Variants in ASXL3 observed in about 807,000 individuals in gnomAD.
The protein encoded by ASXL3 is ASXL transcriptional regulator 3, also known as putative Polycomb group protein ASXL3.
A neutral mutation model predicts 170.6 loss-of-function variants in ASXL3; 34 were observed. That is an observed-to-expected ratio of 0.20 (90% CI 0.15 to 0.27). ASXL3 has a LOEUF of 0.27. Among genes scored for constraint, ASXL3 ranks in the 10% least tolerant of loss-of-function variants. ASXL3 has a pLI of 1.00. For synonymous variants in ASXL3, 1,002 were observed against 989.1 expected (o/e 1.01, Z -0.24); for missense variants, 2,592 against 2,695.3 (o/e 0.96, Z 0.85).
intron 2 of ASXL3, among the ~76,000 whole-genome samples, chr18:33,644,169 G>C (rs2065884589): frequency 6.6e-6 from 1 of 151,812 alleles, no homozygotes. Flanking sequence ...GTTTAATGCT[G>C]TTTGATTTCT....
At position 33,699,821 on chromosome 18, in the gene ASXL3, G is replaced by A. The variant is rs1471703450; in HGVS notation, c.879+16253G>A. On this transcript the variant is annotated intron_variant, in intron 8 of 11. Coordinates refer to ENST00000269197, the MANE Select transcript of ASXL3 (RefSeq NM_030632.3). ...ATTTCATAATATAGTTGTGTTTTGT[G>A]TATGTGAAAGCTATTTTTTTCTTAG... Among the ~76,000 whole-genome samples the A allele has an allele frequency of 2.6e-5, 4 of 152,034 alleles. No homozygotes were observed. The South Asian group carries it at 6.2e-4, about 24-fold the overall frequency.
chr18:33,707,148 A>G (rs1355308686), intron 8 of ASXL3, among the ~76,000 whole-genome samples: 1 of 151,898 alleles, frequency 6.6e-6, no homozygotes, highest in African/African-American at 2.4e-5. Context: ...GATTATTCGT[A>G]GCTTGATATC....
rs554333173 is a variant in ASXL3 at position 33,741,090 on chromosome 18, A to G, written c.3039+647A>G. ...TGGTTGTACTTACTCTTTTTAATAAAGCAGTCTCTAGTAAGCAAGATTCTA... is the reference window on the plus strand; with the variant it reads ...TGGTTGTACTTACTCTTTTTAATAAGGCAGTCTCTAGTAAGCAAGATTCTA... On this transcript the variant is annotated intron_variant, in intron 11 of 11. Transcript: ENST00000269197. 3.3e-3 allele frequency among the ~76,000 whole-genome samples: 510 copies of G among 152,318 alleles called. 4 individuals are homozygous for G. Among genetic ancestry groups the G allele is most frequent in the South Asian group, 0.011 (52 of 4,828 alleles).
At chr18:33,649,402 A>G (rs572638482) in intron 4 of ASXL3, among the ~76,000 whole-genome samples, 1 of 152,222 alleles carries the variant, frequency 6.6e-6, no homozygotes, top group South Asian at 2.1e-4. Context: ...TCTCAGCAAA[A>G]TAGAAAAGTA....
At chr18:33,723,746 C>T (rs2145377844) in intron 8 of ASXL3, among the ~76,000 whole-genome samples, 1 of 152,250 alleles carries the variant, frequency 6.6e-6, no homozygotes, top group Middle Eastern at 3.4e-3. Flanking sequence ...CAAACAGCAT[C>T]ACATGCTACA....
intron 1 of ASXL3, among the ~76,000 whole-genome samples, chr18:33,585,058 A>G (rs553827597): frequency 2.0e-4 from 30 of 151,938 alleles, no homozygotes; most frequent in African/African-American, 7.2e-4. Flanking sequence ...TGCCTTTTGG[A>G]TTGCCTACAT....
In ASXL3 at chr18:33,746,163, G is replaced by C. The variant is rs2067787206; in HGVS notation, c.6315G>C (p.Gln2105His). ...ELGMKQVSYD[Q>H]NEMKEQLKAF... is the part of the protein sequence containing the mutation. ...GCATGAAACAAGTTTCCTATGACCA[G>C]AATGAAATGAAAGAACAGTTAAAAG... Residue 2105 changes from glutamine (Q) to histidine (H), a missense_variant, in exon 12 of 12, where the codon CAG (glutamine) becomes CAC (histidine). By Grantham distance (24) the Gln-to-His change is conservative. Transcript: ENST00000269197. 2 of 1,613,682 alleles carry C rather than the reference G, an allele frequency of 1.2e-6. No individual in the cohort carries two copies. Among genetic ancestry groups the C allele is most frequent in the African/African-American group, 2.7e-5 (2 of 74,844 alleles).
At chr18:33,631,986 C>A (rs1244454376) in intron 2 of ASXL3, among the ~76,000 whole-genome samples, 1 of 152,046 alleles carries the variant, frequency 6.6e-6, no homozygotes, top group Admixed American at 6.6e-5. Context: ...AGAAAGTTTA[C>A]AAAGTGCTTA....
At chr18:33,647,228 C>T (rs2065929391) in intron 4 of ASXL3, among the ~76,000 whole-genome samples, 1 of 151,994 alleles carries the variant, frequency 6.6e-6, no homozygotes, top group South Asian at 2.1e-4. Context: ...CATAGAGTCC[C>T]TTTGTTTGTC....
At chr18:33,636,117 A>G (rs746185828) in intron 2 of ASXL3, among the ~76,000 whole-genome samples, 4 of 152,148 alleles carry the variant, frequency 2.6e-5, no homozygotes, top group Non-Finnish European at 5.9e-5. Context: ...CCCCATACGG[A>G]TGGTAGCCAG....
chr18:33,680,992 T>G (rs1318686327), intron 7 of ASXL3, among the ~76,000 whole-genome samples: 1 of 152,008 alleles, frequency 6.6e-6, no homozygotes, highest in East Asian at 1.9e-4. Flanking sequence ...GCCTTCCTTT[T>G]GATTGAGTTT....
rs372863534 is a variant in ASXL3 at position 33,745,027 on chromosome 18, C to T, written c.5179C>T (p.Leu1727=). Residue 1727 remains leucine (L), a synonymous_variant, in exon 12 of 12, where the codon CTG becomes TTG. Coordinates refer to ENST00000269197, the MANE Select transcript of ASXL3 (RefSeq NM_030632.3). ...GGCTATTTCCTTGGCTACCGATGCC[C>T]TGAAGAGAGTCCCTGGTGCAGGGAG... is the stretch of plus-strand genomic sequence containing the variant. The part of the protein sequence containing the change: ...EEAISLATDA[L]KRVPGAGSSG... 1.2e-6 allele frequency: 2 copies of T among 1,613,870 alleles called. No homozygotes were observed. The highest frequency in any genetic ancestry group is 1.7e-6 in the Non-Finnish European group (2 of 1,179,910).
chr18:33,718,638 G>A (rs1320468458), intron 8 of ASXL3, among the ~76,000 whole-genome samples: 1 of 151,990 alleles, frequency 6.6e-6, no homozygotes, highest in East Asian at 1.9e-4. Context: ...TCTTACAGTG[G>A]TGGGGCTGAA....
intron 2 of ASXL3, among the ~76,000 whole-genome samples, chr18:33,630,906 G>T (rs1359260546): frequency 6.6e-6 from 1 of 151,734 alleles, no homozygotes; most frequent in African/African-American, 2.4e-5. Context: ...CATGTAATAT[G>T]TGTTTTATGT....
intron 2 of ASXL3, among the ~76,000 whole-genome samples, chr18:33,627,996 CT>C (rs1300807959): frequency 2.6e-5 from 4 of 152,110 alleles, no homozygotes; most frequent in Admixed American, 2.6e-4. Flanking sequence ...ATGTATGTGT[CT>C]GTAAATATCA....
intron 2 of ASXL3, among the ~76,000 whole-genome samples, chr18:33,624,231 C>G (rs561600628): frequency 6.6e-6 from 1 of 151,954 alleles, no homozygotes; most frequent in Non-Finnish European, 1.5e-5. Flanking sequence ...GATGTACACT[C>G]TACCTATAAG....
chr18:33,744,833 C>G lies in ASXL3; in HGVS notation c.4985C>G (p.Thr1662Arg). 1 of 1,614,040 alleles carries G rather than the reference C, an allele frequency of 6.2e-7. No individual in the cohort carries two copies. Among genetic ancestry groups the G allele is most frequent in the Non-Finnish European group, 8.5e-7 (1 of 1,179,882 alleles). The change falls in exon 12 of 12, where the codon ACA (threonine) becomes AGA (arginine). Residue 1662 changes from threonine (T) to arginine (R), a missense_variant. Transcript: ENST00000269197. Reference protein sequence around the residue: ...VSELHPRNLVTNVALPVKSEL... With the variant: ...VSELHPRNLVRNVALPVKSEL... ...GAACTTCATCCCAGGAATCTTGTAA[C>G]AAATGTTGCTCTTCCTGTGAAATCT...
rs2067699243 is a variant in ASXL3 at position 33,743,328 on chromosome 18, T to C, written c.3480T>C (p.Ile1160=). 10 of 1,613,924 alleles carry C rather than the reference T, an allele frequency of 6.2e-6. 1 individual carries two copies. The highest frequency in any genetic ancestry group is 8.5e-6 in the Non-Finnish European group (10 of 1,179,872). Residue 1160 remains isoleucine, a synonymous_variant, in exon 12 of 12, where the codon ATT becomes ATC. Transcript: ENST00000269197. ...TKMEGSTGVI[I]VNPNCRSPSN... The stretch of plus-strand genomic sequence containing the variant: ...TGGAAGGTTCGACTGGTGTCATTAT[T>C]GTCAATCCAAACTGTAGATCTCCTA...
rs2066911996 is a variant in ASXL3, at chr18:33,703,517, C to T, written c.879+19949C>T. Among the ~76,000 whole-genome samples the T allele has an allele frequency of 3.3e-5, 5 of 152,246 alleles. No individual in the cohort carries two copies. In the South Asian group the frequency reaches 1.0e-3, roughly 32 times the overall value. ...CTGCCCAAAAGAAAGGAGCCCTTGA[C>T]CTCTTGGTTGTACTTGCCAGGTATT... On this transcript the variant is annotated intron_variant, in intron 8 of 11. Transcript: ENST00000269197.
Sources: allele counts gnomAD v4.1 joint callset (sites outside exome capture counted in the v4.1 genomes callset), GRCh38; gene constraint gnomAD v4.1.1; transcripts MANE v1.5; gene names NCBI Gene and HGNC (gene_info 2026-07-23, HGNC 2026-07-21).